ITK: variants seen among roughly 807,000 people sequenced by gnomAD.
ITK encodes the protein IL2 inducible T cell kinase.
ITK carries 45 observed loss-of-function variants against 87.6 expected under a neutral mutation model. The observed-to-expected ratio is 0.51, with a 90% CI of 0.40 to 0.66. The LOEUF is 0.66. Ranked by LOEUF, ITK falls within the 30% of genes least tolerant of loss-of-function variation. The pLI, the probability that ITK is intolerant of heterozygous loss-of-function variation, is 0.00. For synonymous variants in ITK, 303 were observed against 273.6 expected, an observed-to-expected ratio of 1.11 and a Z score of -1.06; for missense variants, 605 against 766.3, an observed-to-expected ratio of 0.79 and a Z score of 2.48.
At chr5:157,194,199 A>T (rs1753808234) in intron 1 of ITK, among the ~76,000 whole-genome samples, 1 of 152,130 alleles carries the variant, frequency 6.6e-6, no homozygotes, top group South Asian at 2.1e-4. Context: ...ACTTACCTTC[A>T]CGACTGCGAG....
chr5:157,241,794 A>G (rs1580906775), intron 11 of ITK, 74 bp downstream of exon 11: 14 of 1,035,788 alleles, frequency 1.4e-5, no homozygotes, highest in Non-Finnish European at 2.1e-5. Flanking sequence ...ACTGGCCATG[A>G]GCCTACCTGT....
chr5:157,234,845 T>C (rs34207706), intron 8 of ITK, among the ~76,000 whole-genome samples: 2,486 of 152,214 alleles, frequency 0.016, 28 homozygotes, highest in Non-Finnish European at 0.027. Flanking sequence ...ATGACAGGTT[T>C]ATGGGTGCAG....
intron 6 of ITK, 111 bp from the exon 7 acceptor site, chr5:157,228,185 C>A: frequency 1.3e-6 from 1 of 758,432 alleles, no homozygotes; most frequent in Non-Finnish European, 2.3e-6. Context: ...TCGCAAATGC[C>A]AAATAATGTG....
intron 7 of ITK, among the ~76,000 whole-genome samples, chr5:157,230,569 G>A (rs915415549): frequency 6.6e-6 from 1 of 152,076 alleles, no homozygotes; most frequent in Admixed American, 6.5e-5. Context: ...GTGAACAGAA[G>A]GGTCATCAGT....
At chr5:157,230,206 T>G (rs1754622267) in intron 7 of ITK, among the ~76,000 whole-genome samples, 1 of 152,134 alleles carries the variant, frequency 6.6e-6, no homozygotes, top group Non-Finnish European at 1.5e-5. Flanking sequence ...AGAAGAAAAG[T>G]CAATCTATGT....
chr5:157,234,546 G>A (rs776253395), intron 8 of ITK, among the ~76,000 whole-genome samples: 18 of 152,130 alleles, frequency 1.2e-4, no homozygotes, highest in Non-Finnish European at 2.2e-4. Context: ...TGGCGTATAT[G>A]TGCCACATTT....
At chr5:157,223,958 C>T (rs1754480036) in intron 6 of ITK, among the ~76,000 whole-genome samples, 1 of 152,158 alleles carries the variant, frequency 6.6e-6, no homozygotes, top group African/African-American at 2.4e-5. Context: ...AAATAAGCCA[C>T]CCTCCATTTG....
intron 15 of ITK, among the ~76,000 whole-genome samples, chr5:157,248,092 C>A (rs1580911104): frequency 6.6e-6 from 1 of 152,198 alleles, no homozygotes; most frequent in African/African-American, 2.4e-5. Context: ...GAACAAGACT[C>A]TGAGATGATT....
intron 1 of ITK, among the ~76,000 whole-genome samples, chr5:157,187,100 A>G (rs1753660967): frequency 6.6e-6 from 1 of 152,200 alleles, no homozygotes; most frequent in African/African-American, 2.4e-5. Flanking sequence ...TTTAAGTGTC[A>G]CTTACTTGGG....
In ITK at chr5:157,208,020, GTTCCATAGCTGAA is replaced by G. The variant is rs201837345; in HGVS notation, c.139-852_139-840del. On this transcript the variant is annotated intron_variant, in intron 1 of 16. Coordinates refer to ENST00000422843, the MANE Select transcript of ITK (RefSeq NM_005546.4). ...GGTATAATGACGTATTTTGCAACTGGTTCCATAGCTGAATTCCATAGCTGAATTCTCAATGGCA... is the reference window on the plus strand; with the variant it reads ...GGTATAATGACGTATTTTGCAACTGGTTCCATAGCTGAATTCTCAATGGCA... Among the ~76,000 whole-genome samples the G allele has an allele frequency of 2.3e-4, 35 of 152,234 alleles. No individual in the cohort carries two copies. In the East Asian group the frequency reaches 6.2e-3, roughly 27 times the overall value.
chr5:157,184,065 G>A lies in ITK; in HGVS notation c.138+2950G>A, dbSNP rs1464413719. On this transcript the variant is annotated intron_variant, in intron 1 of 16. Coordinates refer to ENST00000422843, the MANE Select transcript of ITK (RefSeq NM_005546.4). ...GAAGCGCCTTCATCTTGCTGGAGCA[G>A]TGGGCCAGAAAGAAGCATAGATTTG... Among the ~76,000 whole-genome samples the A allele has an allele frequency of 3.9e-5, 6 of 152,198 alleles. No homozygotes were observed. The East Asian group carries it at 1.2e-3, about 29-fold the overall frequency.
intron 3 of ITK, chr5:157,213,474 C>T: frequency 2.5e-6 from 1 of 400,658 alleles, no homozygotes; most frequent in Non-Finnish European, 4.8e-6. Flanking sequence ...ACCTATTGGG[C>T]TCAAGTGATC....
intron 16 of ITK, among the ~76,000 whole-genome samples, chr5:157,249,953 T>C (rs904265818): frequency 1.3e-5 from 2 of 152,176 alleles, no homozygotes; most frequent in Non-Finnish European, 2.9e-5. Flanking sequence ...TAATAGTCTT[T>C]ATTTTTTAAC....
At chr5:157,186,006 AC>A (rs1374372477) in intron 1 of ITK, among the ~76,000 whole-genome samples, 1 of 152,112 alleles carries the variant, frequency 6.6e-6, no homozygotes, top group Non-Finnish European at 1.5e-5. Context: ...AACCATTATA[AC>A]CACTCTGTAA....
At chr5:157,218,008 T>C in intron 5 of ITK, 101 bp downstream of exon 5, 2 of 1,051,236 alleles carry the variant, frequency 1.9e-6, no homozygotes, top group South Asian at 2.5e-5. Context: ...TTTCAAACCC[T>C]GGCTGCATGC....
Position 157,222,992 on chromosome 5 carries a change from T to C in ITK, c.625T>C (p.Trp209Arg). ...CLLDSSEIHW[W>R]RVQDRNGHEG... ...GCTGGACAGTTCTGAGATTCACTGG[T>C]GGAGAGTCCAGGACAGGAATGGGTA... The change falls in exon 6 of 17, where the codon TGG becomes CGG. Residue 209 changes from tryptophan (W) to arginine (R), a missense_variant. By Grantham distance (101) the Trp-to-Arg change is moderately radical. Coordinates refer to ENST00000422843, the MANE Select transcript of ITK (RefSeq NM_005546.4). 1 of 1,614,014 alleles carries C rather than the reference T, an allele frequency of 6.2e-7. No homozygotes were observed. The highest frequency in any genetic ancestry group is 8.5e-7 in the Non-Finnish European group (1 of 1,180,006).
chr5:157,191,365 C>T (rs1353065819), intron 1 of ITK, among the ~76,000 whole-genome samples: 3 of 152,122 alleles, frequency 2.0e-5, no homozygotes, highest in African/African-American at 2.4e-5. Context: ...CTCAGATAGA[C>T]AGTAGCAGCA....
chr5:157,199,468 G>T (rs190417648), intron 1 of ITK: 2 of 152,210 alleles, frequency 1.3e-5, no homozygotes, highest in African/African-American at 4.8e-5. Context: ...TCCAGCATAA[G>T]CATTGCTCAG....
chr5:157,209,287 G>A (rs545011589), intron 2 of ITK, among the ~76,000 whole-genome samples: 44 of 150,720 alleles, frequency 2.9e-4, no homozygotes, highest in African/African-American at 7.3e-4. Context: ...AGCCAAGATC[G>A]TGCCATTCAC....
Sources: gnomAD v4.1 joint callset for allele counts (sites outside exome capture counted in the v4.1 genomes callset) on GRCh38, gnomAD v4.1.1 for gene constraint, MANE v1.5 for transcripts, NCBI Gene and HGNC (gene_info 2026-07-23, HGNC 2026-07-21) for gene names.